The following RANBP2 variants were observed in gnomAD, a reference collection of about 807,000 sequenced individuals.
RANBP2 encodes RAN binding protein 2, also known as E3 SUMO-protein ligase RanBP2.
Under a neutral mutation model 303.6 loss-of-function variants are expected in RANBP2, and 57 were observed. The ratio of observed to expected loss-of-function variants is 0.19; its 90% CI spans 0.15 to 0.23. The LOEUF is 0.23. Ranked by LOEUF, RANBP2 falls within the 10% of genes least tolerant of loss-of-function variation. The pLI, the probability that RANBP2 is intolerant of heterozygous loss-of-function variation, is 1.00. For synonymous variants in RANBP2, 1,167 were observed against 1,301.5 expected, an observed-to-expected ratio of 0.90 and a Z score of 2.23; for missense variants, 3,138 against 3,780.8, an observed-to-expected ratio of 0.83 and a Z score of 4.46.
At chr2:109,614,255 G>A in the RANBP2 span, 2 of 738,112 alleles carry the variant, frequency 2.7e-6, no homozygotes, top group African/African-American at 1.8e-5. Context: ...CCGAGACAGC[G>A]GGGAGCGGAA....
At chr2:109,676,811 TCAGA>T in the RANBP2 span, among the ~76,000 whole-genome samples, 1 of 152,204 alleles carries the variant, frequency 6.6e-6, no homozygotes, top group African/African-American at 2.4e-5. Flanking sequence ...GAATACGCTC[TCAGA>T]CAATCTTCTT....
Position 108,769,797 on chromosome 2 carries a change from C to A in RANBP2, c.7849+1409C>A, listed in dbSNP as rs2699570. 2.6e-5 allele frequency among the ~76,000 whole-genome samples: 4 copies of A among 151,398 alleles called. No homozygotes were observed. The East Asian group carries it at 5.9e-4, about 22-fold the overall frequency. On this transcript the variant is annotated intron_variant, in intron 20 of 28. Transcript: ENST00000283195. The stretch of plus-strand genomic sequence containing the variant: ...AGCTTGCATATTATATATGTTGCAC[C>A]GATCAATTTTAGAAGTGTGGCTACT...
the RANBP2 span, chr2:109,565,728 G>C: frequency 6.7e-7 from 1 of 1,497,698 alleles, no homozygotes; most frequent in South Asian, 1.1e-5. Context: ...TTACTAGATA[G>C]ATACATATTT....
chr2:109,272,772 A>G, the RANBP2 span, among the ~76,000 whole-genome samples: 15 of 152,206 alleles, frequency 9.9e-5, no homozygotes, highest in African/African-American at 2.2e-4. Context: ...ACCAGCATCA[A>G]TGCATCTCAG....
chr2:109,021,729 A>G, the RANBP2 span, among the ~76,000 whole-genome samples: 4 of 151,642 alleles, frequency 2.6e-5, no homozygotes, highest in African/African-American at 9.7e-5. Context: ...CCAGGTCCCC[A>G]GGGCCACAGG....
the RANBP2 span, among the ~76,000 whole-genome samples, chr2:109,405,744 T>C: frequency 1.3e-5 from 2 of 152,212 alleles, no homozygotes; most frequent in African/African-American, 4.8e-5. Flanking sequence ...CCACTGTCTC[T>C]TTGCCTACAG....
chr2:109,315,809 G>A, the RANBP2 span, among the ~76,000 whole-genome samples: 1 of 152,282 alleles, frequency 6.6e-6, no homozygotes, highest in Admixed American at 6.5e-5. Flanking sequence ...AAGGGACGTC[G>A]TCGCTTTTCC....
chr2:109,040,657 G>C, the RANBP2 span, among the ~76,000 whole-genome samples: 1 of 152,092 alleles, frequency 6.6e-6, no homozygotes, highest in African/African-American at 2.4e-5. Context: ...CTTTCTGTCT[G>C]GAAGTCTCAC....
chr2:109,694,072 G>T, the RANBP2 span, among the ~76,000 whole-genome samples: 1 of 152,118 alleles, frequency 6.6e-6, no homozygotes, highest in African/African-American at 2.4e-5. Flanking sequence ...ATGTGGTTTG[G>T]GTCTGTGTCC....
At chr2:109,537,937 G>C in the RANBP2 span, among the ~76,000 whole-genome samples, 2 of 152,020 alleles carry the variant, frequency 1.3e-5, no homozygotes, top group African/African-American at 4.8e-5. Context: ...AAAAGAGCAA[G>C]ATCCTGTCTC....
chr2:109,585,286 T>C, the RANBP2 span: 4 of 1,607,944 alleles, frequency 2.5e-6, no homozygotes, highest in Admixed American at 5.1e-5. Context: ...TTAAACAATG[T>C]GTCAATCAGT....
the RANBP2 span, among the ~76,000 whole-genome samples, chr2:109,243,363 C>T: frequency 6.6e-6 from 1 of 152,258 alleles, no homozygotes; most frequent in Non-Finnish European, 1.5e-5. Flanking sequence ...CTGTTCACCC[C>T]TTACCAGATA....
At chr2:109,081,181 T>C in the RANBP2 span, among the ~76,000 whole-genome samples, 3 of 152,254 alleles carry the variant, frequency 2.0e-5, no homozygotes, top group East Asian at 1.9e-4. Context: ...GTAAAATACA[T>C]TGAAATTAAT....
downstream of RANBP2, among the ~76,000 whole-genome samples, chr2:108,790,599 G>C (rs1299400650): frequency 1.3e-5 from 2 of 152,216 alleles, no homozygotes; most frequent in African/African-American, 4.8e-5. Flanking sequence ...CTACTCGGGA[G>C]GCTGAGACAG....
chr2:109,252,768 C>A, the RANBP2 span, among the ~76,000 whole-genome samples: 2 of 152,304 alleles, frequency 1.3e-5, no homozygotes, highest in African/African-American at 4.8e-5. Context: ...TCATGTAACA[C>A]AAAGCCTGTT....
chr2:109,371,886 G>A, the RANBP2 span, among the ~76,000 whole-genome samples: 11 of 152,292 alleles, frequency 7.2e-5, no homozygotes, highest in Middle Eastern at 6.8e-3. Context: ...AGTTTTGAGT[G>A]GCTGGTCCCA....
the RANBP2 span, among the ~76,000 whole-genome samples, chr2:109,413,140 A>C: frequency 6.6e-6 from 1 of 152,162 alleles, no homozygotes; most frequent in Non-Finnish European, 1.5e-5. Context: ...TTTGAGATAG[A>C]GTCTTGCTCT....
chr2:109,060,543 A>G, the RANBP2 span, among the ~76,000 whole-genome samples: 1 of 152,146 alleles, frequency 6.6e-6, no homozygotes, highest in Admixed American at 6.5e-5. Flanking sequence ...GCGTTTTAAG[A>G]ACCTTGTGAA....
At chr2:108,735,960 T>G (rs1050175090) in intron 5 of RANBP2, 144 bp from the exon 6 acceptor site, 29 of 1,560,640 alleles carry the variant, frequency 1.9e-5, no homozygotes, top group Non-Finnish European at 2.5e-5. Context: ...TGTATATATT[T>G]TTGGTGTTTT....
Sources: gnomAD v4.1 joint callset for allele counts (sites outside exome capture counted in the v4.1 genomes callset) on GRCh38, gnomAD v4.1.1 for gene constraint, MANE v1.5 for transcripts, NCBI Gene and HGNC (gene_info 2026-07-23, HGNC 2026-07-21) for gene names.